CSMD1: variants seen among roughly 807,000 people sequenced by gnomAD.
The protein encoded by CSMD1 is CUB and Sushi multiple domains 1, also known as CUB and sushi domain-containing protein 1.
CSMD1 carries 213 observed loss-of-function variants against 417.5 expected under a neutral mutation model. That is an observed-to-expected ratio of 0.51 (90% CI 0.46 to 0.57). The LOEUF (loss-of-function observed/expected upper bound fraction) is 0.57. CSMD1 is among the 20% of genes least tolerant of loss of function. CSMD1 has a pLI of 0.00. For synonymous variants in CSMD1, 2,862 were observed against 1,736.8 expected (o/e 1.65, Z -16.11); for missense variants, 6,923 against 4,529.7 (o/e 1.53, Z -15.17).
intron 6 of CSMD1, among the ~76,000 whole-genome samples, chr8:3,719,283 A>G (rs1201411180): frequency 2.0e-5 from 3 of 152,148 alleles, no homozygotes; most frequent in Non-Finnish European, 2.9e-5. Context: ...TTCAGCAAAA[A>G]GGCCACTGCC....
intron 2 of CSMD1, among the ~76,000 whole-genome samples, chr8:4,455,481 G>C (rs973772434): frequency 6.6e-6 from 1 of 152,084 alleles, no homozygotes; most frequent in East Asian, 1.9e-4. Context: ...GCACATCTAA[G>C]AATAGAGGAA....
chr8:3,611,927 C>T (rs184757294), intron 8 of CSMD1, among the ~76,000 whole-genome samples: 167 of 152,116 alleles, frequency 1.1e-3, no homozygotes, highest in African/African-American at 4.0e-3. Flanking sequence ...CAAATTGCAT[C>T]TAAAATTTAA....
intron 7 of CSMD1, among the ~76,000 whole-genome samples, chr8:3,623,070 G>T (rs1268071856): frequency 6.6e-6 from 1 of 152,084 alleles, no homozygotes; most frequent in African/African-American, 2.4e-5. Context: ...CAATAGATTG[G>T]TTCATTACAC....
chr8:4,214,601 C>G (rs918392433), intron 3 of CSMD1, among the ~76,000 whole-genome samples: 4 of 152,048 alleles, frequency 2.6e-5, no homozygotes, highest in African/African-American at 9.7e-5. Context: ...CCTGGCCCAC[C>G]TTATTAGAAT....
intron 18 of CSMD1, among the ~76,000 whole-genome samples, chr8:3,379,457 A>T (rs1030586940): frequency 1.3e-4 from 20 of 152,234 alleles, no homozygotes; most frequent in African/African-American, 4.3e-4. Context: ...CTAAGCCAAA[A>T]GAACATAGTT....
chr8:3,508,506 TA>T (rs76431160), intron 10 of CSMD1, among the ~76,000 whole-genome samples: 74,118 of 148,430 alleles, frequency 0.5, 18,351 homozygotes, highest in Admixed American at 0.57. Context: ...TAAAGTATAA[TA>T]AAAAAAAAAG....
At chr8:3,920,107 C>G (rs923255459) in intron 5 of CSMD1, among the ~76,000 whole-genome samples, 1 of 152,150 alleles carries the variant, frequency 6.6e-6, no homozygotes, top group South Asian at 2.1e-4. Flanking sequence ...AATCATAGCT[C>G]ACTGAAGTCA....
At position 4,822,980 on chromosome 8, in the gene CSMD1, T is replaced by C. The variant is rs1487515961; in HGVS notation, c.85+171352A>G. ...CTGATGATCCCATCTAGCAACCATT[T>C]GGGAAATCCAGTAATTATTTGTATT... On this transcript the variant is annotated intron_variant, in intron 1 of 69. Transcript: ENST00000635120. Among the ~76,000 whole-genome samples the C allele has an allele frequency of 2.0e-5, 3 of 152,270 alleles. No individual in the cohort carries two copies. The East Asian group carries it at 5.8e-4, about 29-fold the overall frequency.
intron 3 of CSMD1, among the ~76,000 whole-genome samples, chr8:4,359,195 C>T (rs554093946): frequency 6.6e-6 from 1 of 152,260 alleles, no homozygotes; most frequent in Non-Finnish European, 1.5e-5. Flanking sequence ...ACAAAAGTCC[C>T]AGAGCATGAG....
intron 2 of CSMD1, among the ~76,000 whole-genome samples, chr8:4,542,388 T>C (rs1051232345): frequency 6.6e-6 from 1 of 152,220 alleles, no homozygotes; most frequent in Non-Finnish European, 1.5e-5. Flanking sequence ...AAGTTTTCTC[T>C]TCAGAAGAAT....
In CSMD1 at chr8:3,494,726, C is replaced by T. The variant is rs547788635; in HGVS notation, c.1345-1000G>A. On this transcript the variant is annotated intron_variant, in intron 10 of 69. Coordinates refer to ENST00000635120, the MANE Select transcript of CSMD1 (RefSeq NM_033225.6). ...AGAGAGAGAGATGTAACAAGAGAGA[C>T]GCAGAGGGTGTGAGAAAGGAAGGCG... 3.9e-4 allele frequency among the ~76,000 whole-genome samples: 60 copies of T among 151,958 alleles called. 2 individuals are homozygous for T. In the South Asian group the frequency reaches 0.011, roughly 27 times the overall value.
intron 3 of CSMD1, among the ~76,000 whole-genome samples, chr8:4,276,834 A>G (rs1174631360): frequency 1.3e-5 from 2 of 152,308 alleles, no homozygotes; most frequent in East Asian, 3.9e-4. Context: ...TTTCAGAAAT[A>G]CAATAAATGT....
At chr8:4,659,378 T>C (rs773857179) in intron 1 of CSMD1, among the ~76,000 whole-genome samples, 4 of 152,142 alleles carry the variant, frequency 2.6e-5, no homozygotes, top group Non-Finnish European at 4.4e-5. Flanking sequence ...AGAGCAGATA[T>C]ATTTAAAAAT....
Position 3,029,452 on chromosome 8 carries a change from T to G in CSMD1, c.7722A>C (p.Ser2574=), listed in dbSNP as rs769324748. The G allele has an allele frequency of 1.2e-6, 2 of 1,608,822 alleles. No homozygotes were observed. The highest frequency in any genetic ancestry group is 2.2e-5 in the East Asian group (1 of 44,746). ...GAGCACCGTACTCATTCAAGGATCC[T>G]GAAACCAGCCTCCAGATGACATGTT... The part of the protein sequence containing the change: ...LSEHVIWRLV[S]GSLNEYGAQV... Residue 2574 remains serine, a synonymous_variant, in exon 51 of 70, where the codon TCA becomes TCC. Coordinates refer to ENST00000635120, the MANE Select transcript of CSMD1 (RefSeq NM_033225.6).
intron 1 of CSMD1, among the ~76,000 whole-genome samples, chr8:4,837,903 A>G (rs1294770180): frequency 3.3e-5 from 5 of 152,234 alleles, no homozygotes; most frequent in African/African-American, 9.6e-5. Context: ...CCAAAATTAA[A>G]AAAAAATAAA....
At chr8:3,481,281 A>T (rs1209294395) in intron 11 of CSMD1, among the ~76,000 whole-genome samples, 2 of 152,136 alleles carry the variant, frequency 1.3e-5, no homozygotes, top group Non-Finnish European at 2.9e-5. Flanking sequence ...TGTGTTTTCA[A>T]AAGAGAAAAA....
chr8:4,655,890 T>C (rs1357516702), intron 1 of CSMD1, among the ~76,000 whole-genome samples: 2 of 152,146 alleles, frequency 1.3e-5, no homozygotes, highest in East Asian at 1.9e-4. Context: ...TCATCAAATA[T>C]TGATTGACTG....
chr8:4,591,815 A>G (rs2130734142), intron 2 of CSMD1, among the ~76,000 whole-genome samples: 1 of 152,342 alleles, frequency 6.6e-6, no homozygotes, highest in Admixed American at 6.5e-5. Flanking sequence ...CAGTGGCTAC[A>G]GAAAGACCGT....
At chr8:4,401,382 T>A (rs1585018449) in intron 3 of CSMD1, among the ~76,000 whole-genome samples, 1 of 152,184 alleles carries the variant, frequency 6.6e-6, no homozygotes, top group Non-Finnish European at 1.5e-5. Flanking sequence ...CAAAGAGGTG[T>A]ATCAGATGTT....
Sources: allele counts gnomAD v4.1 joint callset (sites outside exome capture counted in the v4.1 genomes callset), GRCh38; gene constraint gnomAD v4.1.1; transcripts MANE v1.5; gene names NCBI Gene and HGNC (gene_info 2026-07-23, HGNC 2026-07-21).